The following MYO16 variants were observed in gnomAD, a reference collection of about 807,000 sequenced individuals.
MYO16 encodes myosin XVI.
A neutral mutation model predicts 205.3 loss-of-function variants in MYO16; 94 were observed. That is an observed-to-expected ratio of 0.46 (90% CI 0.39 to 0.54). MYO16 has a LOEUF of 0.54. Ranked by LOEUF, MYO16 falls within the 20% of genes least tolerant of loss-of-function variation. The pLI, the probability that MYO16 is intolerant of heterozygous loss-of-function variation, is 0.00. For synonymous variants in MYO16, 988 were observed against 954.0 expected (o/e 1.04, Z -0.66); for missense variants, 2,315 against 2,387.5 (o/e 0.97, Z 0.63).
chr13:108,685,482 T>C (rs1352935336), intron 2 of MYO16, among the ~76,000 whole-genome samples: 1 of 152,188 alleles, frequency 6.6e-6, no homozygotes, highest in Non-Finnish European at 1.5e-5. Flanking sequence ...GCTGATTGCT[T>C]GGTGTGGACA....
At chr13:108,873,562 G>A (rs1031278215) in intron 12 of MYO16, among the ~76,000 whole-genome samples, 4 of 152,338 alleles carry the variant, frequency 2.6e-5, no homozygotes, top group East Asian at 1.9e-4. Context: ...GGGTCACAGC[G>A]GGCGAGTCAG....
intron 27 of MYO16, among the ~76,000 whole-genome samples, chr13:109,096,783 T>C (rs1364204465): frequency 6.6e-6 from 1 of 152,216 alleles, no homozygotes; most frequent in African/African-American, 2.4e-5. Flanking sequence ...GGTCAGAGTT[T>C]GTAACACAGA....
chr13:108,632,196 TTG>T (rs931597295), intron 1 of MYO16, among the ~76,000 whole-genome samples: 3 of 152,130 alleles, frequency 2.0e-5, no homozygotes, highest in African/African-American at 7.2e-5. Flanking sequence ...TCCCAAATTG[TTG>T]TCTCCCATAT....
chr13:108,886,589 T>TC (rs1566391338), intron 13 of MYO16: 1 of 432,054 alleles, frequency 2.3e-6, no homozygotes, highest in Non-Finnish European at 4.6e-6. Flanking sequence ...TGCTGGCGGC[T>TC]CCACCCCCCG....
the MYO16 span, among the ~76,000 whole-genome samples, chr13:108,590,691 G>C: frequency 6.6e-6 from 1 of 152,132 alleles, no homozygotes; most frequent in East Asian, 1.9e-4. Flanking sequence ...GGGTACAGAA[G>C]ACATAAAAGA....
At chr13:108,639,700 A>T (rs1321551634) in intron 1 of MYO16, among the ~76,000 whole-genome samples, 1 of 152,246 alleles carries the variant, frequency 6.6e-6, no homozygotes, top group East Asian at 1.9e-4. Context: ...TTGACTATAG[A>T]GAACAAATGG....
the MYO16 span, among the ~76,000 whole-genome samples, chr13:108,560,077 C>T: frequency 2.0e-5 from 3 of 152,094 alleles, no homozygotes; most frequent in Non-Finnish European, 4.4e-5. Flanking sequence ...TAGATATGCA[C>T]CTGCAGTGTT....
At chr13:109,139,196 G>T (rs996536001) in intron 31 of MYO16, among the ~76,000 whole-genome samples, 1 of 152,116 alleles carries the variant, frequency 6.6e-6, no homozygotes, top group Admixed American at 6.6e-5. Context: ...CTCATGATCC[G>T]ACTACCTCGG....
At chr13:108,852,226 C>T (rs762329584) in intron 10 of MYO16, among the ~76,000 whole-genome samples, 3 of 152,216 alleles carry the variant, frequency 2.0e-5, no homozygotes, top group African/African-American at 2.4e-5. Flanking sequence ...ACTTCTCCCC[C>T]CAGCCCCCCA....
chr13:108,658,958 T>C (rs985048673), intron 1 of MYO16, among the ~76,000 whole-genome samples: 3 of 152,080 alleles, frequency 2.0e-5, no homozygotes, highest in Admixed American at 2.0e-4. Flanking sequence ...GAGATTTGCT[T>C]AAAAATCTTG....
upstream of MYO16, among the ~76,000 whole-genome samples, chr13:108,626,331 ATAAT>A (rs1879734557): frequency 6.6e-6 from 1 of 152,240 alleles, no homozygotes; most frequent in African/African-American, 2.4e-5. Context: ...AAATAATAAA[ATAAT>A]TGTGCTTTAT....
chr13:109,012,624 C>G (rs1885640146), intron 22 of MYO16, among the ~76,000 whole-genome samples: 1 of 151,960 alleles, frequency 6.6e-6, no homozygotes, highest in Non-Finnish European at 1.5e-5. Context: ...CAAAACCGTT[C>G]CCTCTTGTCA....
chr13:108,782,734 T>G (rs1473737216), intron 4 of MYO16, among the ~76,000 whole-genome samples: 1 of 152,158 alleles, frequency 6.6e-6, no homozygotes, highest in Non-Finnish European at 1.5e-5. Context: ...TGGTGCCATG[T>G]GTCCCAGCTG....
intron 27 of MYO16, among the ~76,000 whole-genome samples, chr13:109,074,868 A>G (rs536645687): frequency 1.3e-5 from 2 of 152,300 alleles, no homozygotes; most frequent in South Asian, 4.1e-4. Context: ...ACATGTAGGG[A>G]TTACAATTCA....
rs1302329932 is a variant in MYO16 at position 108,898,102 on chromosome 13, G to A, written c.1746G>A (p.Gln582=). 1.9e-6 allele frequency: 3 copies of A among 1,613,520 alleles called. No individual in the cohort carries two copies. The highest frequency in any genetic ancestry group is 2.5e-6 in the Non-Finnish European group (3 of 1,179,476). ...GCTTCATCAAGTATTTTGAACTGCA[G>A]TTCTGTGAGAGGAAACAACAGCTAA... is the stretch of plus-strand genomic sequence containing the variant. ...SSCFIKYFEL[Q]FCERKQQLTG... The change falls in exon 15 of 35, where the codon CAG becomes CAA. Residue 582 remains glutamine (Q), a synonymous_variant. Coordinates refer to ENST00000457511, the MANE Select transcript of MYO16 (RefSeq NM_001198950.3).
chr13:108,989,744 A>G (rs1884759939), intron 20 of MYO16, among the ~76,000 whole-genome samples: 1 of 152,172 alleles, frequency 6.6e-6, no homozygotes, highest in Non-Finnish European at 1.5e-5. Context: ...TTTTTGAGGA[A>G]GGCTCTACCG....
intron 2 of MYO16, among the ~76,000 whole-genome samples, chr13:108,681,178 G>C (rs770346634): frequency 6.6e-6 from 1 of 152,310 alleles, no homozygotes. Context: ...TCCCACATGT[G>C]TGTGTGTGTC....
intron 12 of MYO16, among the ~76,000 whole-genome samples, chr13:108,877,813 G>A (rs983021426): frequency 1.3e-5 from 2 of 152,128 alleles, no homozygotes; most frequent in African/African-American, 4.8e-5. Context: ...TGGTTGACCA[G>A]TGCTTGTTAA....
intron 34 of MYO16, among the ~76,000 whole-genome samples, chr13:109,183,317 A>G (rs1879535714): frequency 6.6e-6 from 1 of 152,196 alleles, no homozygotes; most frequent in Non-Finnish European, 1.5e-5. Flanking sequence ...AGGGCCAGGT[A>G]ACCTGACACA....
Sources: allele counts gnomAD v4.1 joint callset (sites outside exome capture counted in the v4.1 genomes callset), GRCh38; gene constraint gnomAD v4.1.1; transcripts MANE v1.5; gene names NCBI Gene and HGNC (gene_info 2026-07-23, HGNC 2026-07-21).